The following ANKRD7 variants were observed in gnomAD, a reference collection of about 807,000 sequenced individuals.
ANKRD7 encodes the protein ankyrin repeat domain 7.
ANKRD7 carries 30 observed loss-of-function variants against 30.8 expected under a neutral mutation model. The ratio of observed to expected loss-of-function variants is 0.97; its 90% confidence interval spans 0.73 to 1.32. The LOEUF (loss-of-function observed/expected upper bound fraction) is 1.32, where lower values mean the gene tolerates loss of function less well. Ranked by LOEUF, ANKRD7 falls within the 40% of genes most tolerant of loss-of-function variation. The pLI is 0.00. For synonymous variants in ANKRD7, 97 were observed against 106.6 expected, an observed-to-expected ratio of 0.91 and a Z score of 0.55; for missense variants, 264 against 295.7, an observed-to-expected ratio of 0.89 and a Z score of 0.79.
intron 1 of ANKRD7, among the ~76,000 whole-genome samples, chr7:118,229,798 CA>C (rs2116000639): frequency 6.6e-6 from 1 of 151,956 alleles, no homozygotes; most frequent in South Asian, 2.1e-4. Context: ...ACTAGCAAAC[CA>C]AATCCAGTAG....
rs530818411 is a variant in ANKRD7 at position 118,230,633 on chromosome 7, C to CGT, written c.180-3781_180-3780dup. Among the ~76,000 whole-genome samples, 1,589 of 148,052 alleles carry CGT rather than the reference C, an allele frequency of 0.011. 49 individuals carry two copies. In the East Asian group the frequency reaches 0.12, roughly 11 times the overall value. ...CTCAAATTGTATATTTCTGTTTGAA[C>CGT]GTGTGTGTGTGTGTGTGTAGAGAGA... On this transcript the variant is annotated intron_variant, in intron 1 of 6. Transcript: ENST00000265224.
At position 118,230,651 on chromosome 7, in the gene ANKRD7, T is replaced by TGTAG. The variant is rs541266826; in HGVS notation, c.180-3780_180-3779insGTAG. Among the ~76,000 whole-genome samples the TGTAG allele has an allele frequency of 2.7e-5, 4 of 148,890 alleles. No homozygotes were observed. In the East Asian group the frequency reaches 7.8e-4, roughly 29 times the overall value. The stretch of plus-strand genomic sequence containing the variant: ...GTTTGAACGTGTGTGTGTGTGTGTG[T>TGTAG]AGAGAGAGAGAGAGAGAGATACTGA... On this transcript the variant is annotated intron_variant, in intron 1 of 6. Transcript: ENST00000265224.
At position 118,236,083 on chromosome 7, in the gene ANKRD7, C is replaced by T; in HGVS notation, c.511C>T (p.Pro171Ser). 1 of 1,606,764 alleles carries T rather than the reference C, an allele frequency of 6.2e-7. No individual in the cohort carries two copies. ...PLLVAVINNNPKMVKFLLEKG... is the reference protein window; with the variant it reads ...PLLVAVINNNSKMVKFLLEKG... ...ATTAGTTGCCGTTATTAACAATAAT[C>T]CAAAAATGGTAAAATTTCTTCTGGA... is the stretch of plus-strand genomic sequence containing the variant. Residue 171 changes from proline to serine, a missense_variant, in exon 4 of 7, where the codon CCA becomes TCA. By Grantham distance (74) the Pro-to-Ser change is moderately conservative (BLOSUM62 -1). Coordinates refer to ENST00000265224, the MANE Select transcript of ANKRD7 (RefSeq NM_019644.4).
chr7:118,234,387 A>T, intron 1 of ANKRD7, 44 bp from the exon 2 acceptor site: 1 of 1,384,724 alleles, frequency 7.2e-7, no homozygotes, highest in Non-Finnish European at 9.9e-7. Flanking sequence ...AACTTCTCAA[A>T]CGAAGACTTA....
Position 118,239,922 on chromosome 7 carries a change from A to G in ANKRD7, c.726A>G (p.Gln242=), listed in dbSNP as rs757199806. ...TTTCCTTTATAGATAGATACCCACA[A>G]TTCACTGCGAGCCATGGAAAGAAGA... is the stretch of plus-strand genomic sequence containing the variant. ...ISMVLLHRYP[Q]FTASHGKKKH... The change falls in exon 6 of 7, where the codon CAA becomes CAG. Residue 242 remains glutamine, a synonymous_variant. Transcript: ENST00000265224. 1 of 1,596,192 alleles carries G rather than the reference A, an allele frequency of 6.3e-7. No individual in the cohort carries two copies. Among genetic ancestry groups the G allele is most frequent in the Non-Finnish European group, 8.6e-7 (1 of 1,168,460 alleles).
In ANKRD7 at chr7:118,224,859, G is replaced by C; in HGVS notation, c.29G>C (p.Arg10Thr). Reference sequence around the variant, plus strand: ...AATAAGCTTTTCAGCTTCTGGAAGAGGAAGAATGAGACCCGCAGCCAGGGC... The same window carrying C: ...AATAAGCTTTTCAGCTTCTGGAAGACGAAGAATGAGACCCGCAGCCAGGGC... MNKLFSFWKRKNETRSQGYN... is the reference protein window; with the variant it reads MNKLFSFWKTKNETRSQGYN... Residue 10 changes from arginine to threonine, a missense_variant, in exon 1 of 7, where the codon AGG (arginine) becomes ACG (threonine). Arg to Thr is a moderately conservative substitution (Grantham distance 71). Coordinates refer to ENST00000265224, the MANE Select transcript of ANKRD7 (RefSeq NM_019644.4). The C allele has an allele frequency of 6.2e-7, 1 of 1,613,702 alleles. No individual in the cohort carries two copies.
Position 118,234,418 on chromosome 7 carries a change from T to G in ANKRD7, c.180-13T>G, listed in dbSNP as rs751827113. 11 of 1,544,178 alleles carry G rather than the reference T, an allele frequency of 7.1e-6. No homozygotes were observed. The East Asian group carries it at 1.8e-4, about 26-fold the overall frequency. ...ACTTATCTCTAACTTTGTGTTTTGT[T>G]TTATTGACATAGAACACCTTTGCAC... On this transcript the variant is annotated splice_polypyrimidine_tract_variant and intron_variant, in intron 1 of 6. Coordinates refer to ENST00000265224, the MANE Select transcript of ANKRD7 (RefSeq NM_019644.4).
At chr7:118,239,474 A>G (rs976981762) in intron 5 of ANKRD7, among the ~76,000 whole-genome samples, 8 of 152,162 alleles carry the variant, frequency 5.3e-5, no homozygotes, top group Non-Finnish European at 7.4e-5. Context: ...TAAAAGGCAA[A>G]TAAATGCCTG....
At chr7:118,231,126 A>T (rs1293865860) in intron 1 of ANKRD7, among the ~76,000 whole-genome samples, 2 of 152,090 alleles carry the variant, frequency 1.3e-5, no homozygotes, top group Non-Finnish European at 2.9e-5. Flanking sequence ...AGATACCTTC[A>T]GTCTCATCTT....
intron 5 of ANKRD7, among the ~76,000 whole-genome samples, chr7:118,238,196 A>T (rs186562499): frequency 2.0e-5 from 3 of 152,274 alleles, no homozygotes; most frequent in Non-Finnish European, 2.9e-5. Context: ...CTTTTTGTAG[A>T]TTGCTCCATC....
chr7:118,227,991 G>A (rs761400687), intron 1 of ANKRD7: 16 of 1,315,618 alleles, frequency 1.2e-5, no homozygotes, highest in Middle Eastern at 2.1e-4. Flanking sequence ...GACTTTATAA[G>A]GTAATCGATA....
At chr7:118,238,278 G>A (rs968595066) in intron 5 of ANKRD7, among the ~76,000 whole-genome samples, 4 of 151,804 alleles carry the variant, frequency 2.6e-5, no homozygotes, top group South Asian at 2.1e-4. Flanking sequence ...TTTCAATGTC[G>A]AAAATTGTAA....
chr7:118,228,321 A>C (rs1297802201), intron 1 of ANKRD7, among the ~76,000 whole-genome samples: 1 of 152,176 alleles, frequency 6.6e-6, no homozygotes, highest in East Asian at 1.9e-4. Flanking sequence ...ATCTCCAGCC[A>C]ACCAGACCTC....
chr7:118,237,028 G>C, intron 5 of ANKRD7, 102 bp downstream of exon 5: 12 of 1,211,298 alleles, frequency 9.9e-6, no homozygotes, highest in Non-Finnish European at 1.4e-5. Flanking sequence ...CAACAGTAGG[G>C]GTAACCACAT....
intron 1 of ANKRD7, among the ~76,000 whole-genome samples, chr7:118,228,570 A>C (rs1362783084): frequency 6.6e-6 from 1 of 152,144 alleles, no homozygotes; most frequent in African/African-American, 2.4e-5. Flanking sequence ...TAGCTTTCTC[A>C]AACTGAGGTC....
chr7:118,225,303 A>C (rs1809522031), intron 1 of ANKRD7, among the ~76,000 whole-genome samples: 3 of 152,108 alleles, frequency 2.0e-5, no homozygotes, highest in Admixed American at 1.3e-4. Flanking sequence ...CCTGGCCAAC[A>C]TGGCGAAACC....
chr7:118,224,758 A>AGAG lies in ANKRD7; in HGVS notation c.-71_-69dup, dbSNP rs1809508979. The AGAG allele has an allele frequency of 1.3e-6, 2 of 1,533,994 alleles. No homozygotes were observed. The highest frequency in any genetic ancestry group is 2.2e-5 in the Admixed American group (1 of 45,954). On this transcript the variant is annotated 5_prime_UTR_variant, in exon 1 of 7. Transcript: ENST00000265224. ...AGGGCTGCCGGCCGGATGCCAGGGC[A>AGAG]GAGGGGCAGGGCGGACGGCTAGGAG...
chr7:118,238,802 G>C (rs892366755), intron 5 of ANKRD7, among the ~76,000 whole-genome samples: 1 of 152,184 alleles, frequency 6.6e-6, no homozygotes, highest in East Asian at 1.9e-4. Flanking sequence ...CCCTGACTGA[G>C]TTAATTGTCT....
chr7:118,230,280 G>T (rs1319239147), intron 1 of ANKRD7, among the ~76,000 whole-genome samples: 1 of 151,928 alleles, frequency 6.6e-6, no homozygotes, highest in Non-Finnish European at 1.5e-5. Flanking sequence ...AGACACTAGG[G>T]ACTCCAAATG....
Sources: gnomAD v4.1 joint callset for allele counts (sites outside exome capture counted in the v4.1 genomes callset) on GRCh38, gnomAD v4.1.1 for gene constraint, MANE v1.5 for transcripts, NCBI Gene and HGNC (gene_info 2026-07-23, HGNC 2026-07-21) for gene names.